Variants in SEC24D observed in about 807,000 individuals in gnomAD.
The protein encoded by SEC24D is protein transport protein Sec24D.
SEC24D carries 69 observed loss-of-function variants against 116.9 expected under a neutral mutation model. The observed-to-expected ratio is 0.59, with a 90% CI of 0.49 to 0.72. SEC24D has a LOEUF of 0.72. SEC24D is among the 30% of genes least tolerant of loss of function. The pLI is 0.00. For synonymous variants in SEC24D, 405 were observed against 442.8 expected, an observed-to-expected ratio of 0.91 and a Z score of 1.07; for missense variants, 1,131 against 1,264.1, an observed-to-expected ratio of 0.89 and a Z score of 1.60.
chr4:118,781,033 G>A (rs534527867), intron 8 of SEC24D, among the ~76,000 whole-genome samples: 24 of 150,652 alleles, frequency 1.6e-4, no homozygotes, highest in Non-Finnish European at 2.8e-4. Context: ...ACACTGATGG[G>A]TCTTGACTCT....
chr4:118,803,437 G>T (rs1729538622), intron 7 of SEC24D, among the ~76,000 whole-genome samples: 1 of 152,084 alleles, frequency 6.6e-6, no homozygotes, highest in South Asian at 2.1e-4. Context: ...TAGTCTTGTG[G>T]GTTACACTTG....
At chr4:118,798,895 G>A (rs554058020) in intron 7 of SEC24D, among the ~76,000 whole-genome samples, 1 of 152,228 alleles carries the variant, frequency 6.6e-6, no homozygotes, top group Non-Finnish European at 1.5e-5. Flanking sequence ...AGCCACTGTG[G>A]GGGGCACCAA....
intron 8 of SEC24D, among the ~76,000 whole-genome samples, chr4:118,791,261 A>T (rs1469551192): frequency 6.6e-6 from 1 of 152,134 alleles, no homozygotes; most frequent in Non-Finnish European, 1.5e-5. Flanking sequence ...GAGAGATTTC[A>T]GAGAGGTGTT....
chr4:118,801,193 C>T (rs1262120588), intron 7 of SEC24D, among the ~76,000 whole-genome samples: 1 of 150,440 alleles, frequency 6.6e-6, no homozygotes, highest in South Asian at 2.1e-4. Flanking sequence ...ACCTGGGAGG[C>T]GGAGCTTGCA....
intron 2 of SEC24D, among the ~76,000 whole-genome samples, chr4:118,831,780 T>A (rs1730870978): frequency 6.6e-6 from 1 of 152,122 alleles, no homozygotes; most frequent in African/African-American, 2.4e-5. Context: ...ACAAGCACTT[T>A]CTGTGAATGA....
intron 10 of SEC24D, among the ~76,000 whole-genome samples, chr4:118,761,432 T>C (rs975012942): frequency 2.6e-5 from 4 of 152,196 alleles, no homozygotes; most frequent in Admixed American, 6.5e-5. Context: ...AAATCAAAGA[T>C]ACAATGCTGG....
Position 118,815,479 on chromosome 4 carries a change from G to C in SEC24D, c.645C>G (p.Thr215=), listed in dbSNP as rs751068094. ...QYQPPPLPGQ[T]LGAGYPPQQA... ...GCTGCGGAGGATATCCAGCACCCAA[G>C]GTCTGGCCTGGAAGAGGTGGGGGCT... Residue 215 remains threonine (T), a synonymous_variant, in exon 5 of 23, where the codon ACC becomes ACG. Transcript: ENST00000280551. 4.3e-6 allele frequency: 7 copies of C among 1,614,208 alleles called. No homozygotes were observed. The highest frequency in any genetic ancestry group is 5.9e-6 in the Non-Finnish European group (7 of 1,180,022).
intron 4 of SEC24D, among the ~76,000 whole-genome samples, chr4:118,816,248 A>C (rs1025120817): frequency 6.6e-6 from 1 of 152,096 alleles, no homozygotes; most frequent in African/African-American, 2.4e-5. Flanking sequence ...TTTAAAAGGT[A>C]AAAGCAACAT....
chr4:118,815,512 G>A lies in SEC24D; in HGVS notation c.612C>T (p.Ala204=), dbSNP rs749516412. 6.2e-6 allele frequency: 10 copies of A among 1,614,070 alleles called. No homozygotes were observed. The highest frequency in any genetic ancestry group is 8.5e-7 in the Non-Finnish European group (1 of 1,180,036). Reference sequence around the variant, plus strand: ...CTGGAAGAGGTGGGGGCTGGTACTGGGCATTTGGAGGAGGAGGCCCAGAGA... The same window carrying A: ...CTGGAAGAGGTGGGGGCTGGTACTGAGCATTTGGAGGAGGAGGCCCAGAGA... The part of the protein sequence containing the change: ...DGLSGPPPPN[A]QYQPPPLPGQ... Residue 204 remains alanine, a synonymous_variant, in exon 5 of 23, where the codon GCC becomes GCT. Coordinates refer to ENST00000280551, the MANE Select transcript of SEC24D (RefSeq NM_014822.4).
chr4:118,815,755 A>C (rs1730119292), intron 4 of SEC24D, 29 bp from the exon 5 acceptor site: 1 of 1,609,492 alleles, frequency 6.2e-7, no homozygotes, highest in Admixed American at 1.7e-5. Context: ...CAGCCCACTT[A>C]AATACCACAT....
intron 3 of SEC24D, among the ~76,000 whole-genome samples, chr4:118,818,140 C>T (rs940118117): frequency 1.3e-5 from 2 of 152,086 alleles, no homozygotes; most frequent in South Asian, 2.1e-4. Flanking sequence ...AAACAATGGC[C>T]GCTATCTGGA....
chr4:118,767,940 A>G (rs1727717779), intron 9 of SEC24D, among the ~76,000 whole-genome samples: 1 of 152,164 alleles, frequency 6.6e-6, no homozygotes, highest in Admixed American at 6.5e-5. Flanking sequence ...CCTACATTTG[A>G]GTTTTTTAAG....
intron 10 of SEC24D, among the ~76,000 whole-genome samples, chr4:118,763,972 A>C (rs1578410229): frequency 1.3e-5 from 2 of 152,210 alleles, no homozygotes; most frequent in Admixed American, 1.3e-4. Flanking sequence ...ACACAATTAA[A>C]ATTTCAGCCA....
In SEC24D at chr4:118,805,930, C is replaced by A. The variant is rs375063528; in HGVS notation, c.826G>T (p.Ala276Ser). The A allele has an allele frequency of 6.3e-7, 1 of 1,595,988 alleles. No individual in the cohort carries two copies. Among genetic ancestry groups the A allele is most frequent in the Non-Finnish European group, 8.5e-7 (1 of 1,172,244 alleles). Residue 276 changes from alanine to serine, a missense_variant, in exon 7 of 23, where the codon GCC (alanine) becomes TCC (serine). By Grantham distance (99) the Ala-to-Ser change is moderately conservative (BLOSUM62 1). Transcript: ENST00000280551. Reference sequence around the variant, plus strand: ...GCATAAACTTGTCCTCCTCTGCTGGCTCTATCATTCTCAATCACCTGGATC... The same window carrying A: ...GCATAAACTTGTCCTCCTCTGCTGGATCTATCATTCTCAATCACCTGGATC... ...SPIQVIENDR[A>S]SRGGQVYATN...
rs543976982 is a variant in SEC24D at position 118,815,172 on chromosome 4, TAA to T, written c.674-19_674-18del. On this transcript the variant is annotated intron_variant, in intron 5 of 22. Coordinates refer to ENST00000280551, the MANE Select transcript of SEC24D (RefSeq NM_014822.4). Reference sequence around the variant, plus strand: ...CAGAGTTGGCTGCTTGGAAAAAATTTAAAGAGAAATGACTATCATCCCAAATC... The same window carrying T: ...CAGAGTTGGCTGCTTGGAAAAAATTTAGAGAAATGACTATCATCCCAAATC... 251 of 1,613,688 alleles carry T rather than the reference TAA, an allele frequency of 1.6e-4. No individual in the cohort carries two copies. The South Asian group carries it at 2.6e-3, about 17-fold the overall frequency.
chr4:118,818,655 A>G (rs1730254476), intron 3 of SEC24D, among the ~76,000 whole-genome samples: 1 of 152,178 alleles, frequency 6.6e-6, no homozygotes, highest in East Asian at 1.9e-4. Flanking sequence ...ACCTCTGAAC[A>G]GCTTATTTCT....
rs374553802 is a variant in SEC24D, at chr4:118,790,184, C to T, written c.1041+7499G>A. 1.8e-4 allele frequency among the ~76,000 whole-genome samples: 27 copies of T among 152,216 alleles called. 1 individual carries two copies. The highest frequency in any genetic ancestry group is 6.2e-4 in the South Asian group (3 of 4,814). On this transcript the variant is annotated intron_variant, in intron 8 of 22. Transcript: ENST00000280551. The stretch of plus-strand genomic sequence containing the variant: ...AGTCTTGGATGAAAGTTTATCCTTG[C>T]TAATTCAATAAGCAAGGAAATTACT...
At chr4:118,724,083 A>G (rs534401354) in intron 22 of SEC24D, among the ~76,000 whole-genome samples, 1 of 152,162 alleles carries the variant, frequency 6.6e-6, no homozygotes, top group Non-Finnish European at 1.5e-5. Context: ...TTCTGTAGGA[A>G]ATGTGATCCA....
chr4:118,832,536 G>A (rs944103665), intron 2 of SEC24D, among the ~76,000 whole-genome samples: 1 of 152,054 alleles, frequency 6.6e-6, no homozygotes, highest in Non-Finnish European at 1.5e-5. Context: ...ATAATATAGA[G>A]TGTTATACTT....
Sources: allele counts gnomAD v4.1 joint callset (sites outside exome capture counted in the v4.1 genomes callset), GRCh38; gene constraint gnomAD v4.1.1; transcripts MANE v1.5; gene names NCBI Gene and HGNC (gene_info 2026-07-23, HGNC 2026-07-21).